The following EGFR variants were observed in gnomAD, a reference collection of about 807,000 sequenced individuals.
EGFR encodes the protein epidermal growth factor receptor.
Under a neutral mutation model 143.0 loss-of-function variants are expected in EGFR, and 58 were observed. The ratio of observed to expected loss-of-function variants is 0.41; its 90% confidence interval spans 0.33 to 0.50. EGFR has a LOEUF of 0.50. EGFR is among the 20% of genes least tolerant of loss of function. EGFR has a pLI of 0.39. For missense variants in EGFR, 1,307 were observed against 1,579.0 expected (o/e 0.83, Z 2.92); for synonymous variants, 613 against 594.4 (o/e 1.03, Z -0.45).
chr7:55,083,178 T>C (rs1198142915), intron 1 of EGFR, among the ~76,000 whole-genome samples: 1 of 152,264 alleles, frequency 6.6e-6, no homozygotes, highest in Non-Finnish European at 1.5e-5. Context: ...CATACCTTAT[T>C]GAACAATCCA....
At chr7:55,077,799 A>G (rs1288566747) in intron 1 of EGFR, among the ~76,000 whole-genome samples, 1 of 152,176 alleles carries the variant, frequency 6.6e-6, no homozygotes, top group Non-Finnish European at 1.5e-5. Context: ...TTAAAAAAGA[A>G]ACCTGGGAGA....
intron 19 of EGFR, among the ~76,000 whole-genome samples, 165 bp downstream of exon 19, chr7:55,174,985 C>T (rs1025112410): frequency 6.6e-6 from 1 of 152,176 alleles, no homozygotes; most frequent in Non-Finnish European, 1.5e-5. Context: ...AACTCCCTCC[C>T]CTTAGAGACA....
intron 23 of EGFR, 106 bp from the exon 24 acceptor site, chr7:55,200,210 T>C: frequency 9.2e-7 from 1 of 1,088,492 alleles, no homozygotes; most frequent in East Asian, 2.4e-5. Flanking sequence ...TTTCATCACT[T>C]ATTTGACTGG....
chr7:55,024,339 G>C (rs1786757073), intron 1 of EGFR, among the ~76,000 whole-genome samples: 1 of 152,194 alleles, frequency 6.6e-6, no homozygotes, highest in Admixed American at 6.5e-5. Flanking sequence ...TCAGCAGCTT[G>C]CTTTAGCAAG....
intron 11 of EGFR, among the ~76,000 whole-genome samples, chr7:55,159,628 A>G (rs953124747): frequency 5.3e-5 from 8 of 152,216 alleles, no homozygotes; most frequent in Admixed American, 5.2e-4. Context: ...CACCGGCTCA[A>G]AATGATCTGC....
At position 55,151,327 on chromosome 7, in the gene EGFR, G is replaced by A. The variant is rs1335854310; in HGVS notation, c.593G>A (p.Ser198Asn). Residue 198 changes from serine (S) to asparagine (N), a missense_variant, in exon 5 of 28, where the codon AGC becomes AAC. Around this residue, in one of 7 missense-constraint regions of EGFR, gnomAD observed 311 missense variants for 412.3 expected, o/e 0.75. Coordinates refer to ENST00000275493, the MANE Select transcript of EGFR (RefSeq NM_005228.5). ...QKCDPSCPNGSCWGAGEENCQ... is the reference protein window; with the variant it reads ...QKCDPSCPNGNCWGAGEENCQ... ...TGTGATCCAAGCTGTCCCAATGGGA[G>A]CTGCTGGGGTGCAGGAGAGGAGAAC... is the stretch of plus-strand genomic sequence containing the variant. 7 of 1,614,226 alleles carry A rather than the reference G, an allele frequency of 4.3e-6. No individual in the cohort carries two copies. Among genetic ancestry groups the A allele is most frequent in the Non-Finnish European group, 5.9e-6 (7 of 1,180,032 alleles).
At position 55,168,564 on chromosome 7, in the gene EGFR, A is replaced by C. The variant is rs140321332; in HGVS notation, c.1881-2611A>C. ...ACTGTCTGACTTTAGTCTCCCACTAAAACTGCATTTCCTTTCTACAATTTC... is the reference window on the plus strand; with the variant it reads ...ACTGTCTGACTTTAGTCTCCCACTACAACTGCATTTCCTTTCTACAATTTC... On this transcript the variant is annotated intron_variant, in intron 15 of 27. Transcript: ENST00000275493. 2.4e-3 allele frequency: 3,919 copies of C among 1,611,148 alleles called. 87 individuals are homozygous for C. In the African/African-American group the frequency reaches 0.046, roughly 19 times the overall value.
intron 1 of EGFR, among the ~76,000 whole-genome samples, chr7:55,055,949 C>A (rs1788788914): frequency 6.6e-6 from 1 of 152,144 alleles, no homozygotes; most frequent in South Asian, 2.1e-4. Context: ...GATCCTCAGT[C>A]TCCTCATCTG....
chr7:55,163,605 C>T, intron 13 of EGFR, 128 bp from the exon 14 acceptor site: 1 of 763,440 alleles, frequency 1.3e-6, no homozygotes, highest in Non-Finnish European at 2.3e-6. Context: ...GATTATATTA[C>T]TATATAGTCC....
intron 1 of EGFR, among the ~76,000 whole-genome samples, chr7:55,077,579 A>G (rs1790202010): frequency 1.3e-5 from 2 of 152,126 alleles, no homozygotes; most frequent in Admixed American, 6.5e-5. Context: ...CATGATTATG[A>G]TATAATTAAA....
At position 55,156,097 on chromosome 7, in the gene EGFR, T is replaced by C. The variant is rs3735059; in HGVS notation, c.1006+151T>C. On this transcript the variant is annotated intron_variant, in intron 8 of 27. Transcript: ENST00000275493. Reference sequence around the variant, plus strand: ...AAAACAGAAGATAAAGCTGTAAAGCTAGGTTAGGCAATGGGAAGGCACTGA... The same window carrying C: ...AAAACAGAAGATAAAGCTGTAAAGCCAGGTTAGGCAATGGGAAGGCACTGA... 413,252 of 708,680 alleles carry C rather than the reference T, an allele frequency of 0.58. 124,022 individuals are homozygous for C. The highest frequency in any genetic ancestry group is 0.79 in the African/African-American group (44,996 of 56,904). 43.9% of individuals were successfully genotyped at this position (708,680 alleles called of 1,614,324 possible). A position where few individuals can be genotyped will look rare whatever the true frequency, so the allele number is the denominator to read the frequency against.
chr7:55,089,997 C>T (rs1791011554), intron 1 of EGFR, among the ~76,000 whole-genome samples: 1 of 151,834 alleles, frequency 6.6e-6, no homozygotes, highest in Admixed American at 6.6e-5. Context: ...GAGATGGAGT[C>T]TCACTCTGTT....
intron 1 of EGFR, among the ~76,000 whole-genome samples, chr7:55,032,989 C>T (rs940845589): frequency 6.6e-6 from 1 of 152,184 alleles, no homozygotes; most frequent in Non-Finnish European, 1.5e-5. Flanking sequence ...AAAGCAAAGT[C>T]TTCAACAATG....
intron 20 of EGFR, among the ~76,000 whole-genome samples, chr7:55,186,616 A>T (rs1049536563): frequency 6.6e-6 from 1 of 152,312 alleles, no homozygotes. Flanking sequence ...TAACCTAATG[A>T]TCACTTTAGT....
At chr7:55,025,019 C>T (rs1456155591) in intron 1 of EGFR, among the ~76,000 whole-genome samples, 1 of 152,180 alleles carries the variant, frequency 6.6e-6, no homozygotes, top group African/African-American at 2.4e-5. Context: ...ATTACACAAG[C>T]AGTGCCAATA....
At chr7:55,037,932 G>A (rs1271826197) in intron 1 of EGFR, among the ~76,000 whole-genome samples, 1 of 152,160 alleles carries the variant, frequency 6.6e-6, no homozygotes, top group Non-Finnish European at 1.5e-5. Flanking sequence ...ACTGAGGCAC[G>A]CCGCGATTCC....
intron 22 of EGFR, among the ~76,000 whole-genome samples, chr7:55,194,638 G>A (rs1787543098): frequency 6.6e-6 from 1 of 152,162 alleles, no homozygotes; most frequent in South Asian, 2.1e-4. Context: ...CGTCCACCAG[G>A]TCCCCCTCCC....
intron 20 of EGFR, among the ~76,000 whole-genome samples, chr7:55,190,617 A>G (rs1028108007): frequency 6.6e-6 from 1 of 152,106 alleles, no homozygotes; most frequent in Non-Finnish European, 1.5e-5. Flanking sequence ...GGAGCGGCAG[A>G]GTGGAGCAGG....
At chr7:55,067,973 C>T (rs115629340) in intron 1 of EGFR, among the ~76,000 whole-genome samples, 2,498 of 150,186 alleles carry the variant, frequency 0.017, 208 homozygotes, top group African/African-American at 0.058. Context: ...TACGTGTGTA[C>T]GTGTGTGTGC....
Sources: allele counts gnomAD v4.1 joint callset (sites outside exome capture counted in the v4.1 genomes callset), GRCh38; gene constraint gnomAD v4.1.1; regional missense constraint gnomAD v4.1.1; transcripts MANE v1.5; gene names NCBI Gene and HGNC (gene_info 2026-07-23, HGNC 2026-07-21).